The following GPC6 variants were observed in gnomAD, a reference collection of about 807,000 sequenced individuals.
GPC6 encodes glypican 6.
A neutral mutation model predicts 55.2 loss-of-function variants in GPC6; 14 were observed. The ratio of observed to expected loss-of-function variants is 0.25; its 90% CI spans 0.17 to 0.40. The LOEUF (loss-of-function observed/expected upper bound fraction) is 0.40. Ranked by LOEUF, GPC6 falls within the 10% of genes least tolerant of loss-of-function variation. The probability of loss-of-function intolerance (pLI) is 1.00; values close to 1 mark genes in which losing one functional copy is unlikely to be tolerated. For synonymous variants in GPC6, 278 were observed against 259.6 expected (o/e 1.07, Z -0.68); for missense variants, 641 against 708.5 (o/e 0.90, Z 1.08).
intron 2 of GPC6, among the ~76,000 whole-genome samples, chr13:93,616,084 T>G (rs1289778156): frequency 6.6e-6 from 1 of 152,080 alleles, no homozygotes; most frequent in Non-Finnish European, 1.5e-5. Flanking sequence ...TTTCTTTACC[T>G]AAACAATTTG....
intron 3 of GPC6, among the ~76,000 whole-genome samples, chr13:93,972,210 T>C (rs9301920): frequency 0.23 from 35,369 of 152,204 alleles, 4,685 homozygotes; most frequent in East Asian, 0.39. Context: ...ATTTGTTTGC[T>C]ATCCGCTATC....
intron 1 of GPC6, among the ~76,000 whole-genome samples, chr13:93,492,744 T>G (rs1476934814): frequency 6.6e-6 from 1 of 151,150 alleles, no homozygotes; most frequent in Non-Finnish European, 1.5e-5. Flanking sequence ...GTTGTTGAAT[T>G]TTGTCAAAGG....
chr13:93,752,455 G>GA (rs1244475716), intron 2 of GPC6, among the ~76,000 whole-genome samples: 57 of 145,820 alleles, frequency 3.9e-4, no homozygotes, highest in African/African-American at 1.1e-3. Context: ...AAAAAAAAAA[G>GA]AAAAAAAAAG....
intron 2 of GPC6, among the ~76,000 whole-genome samples, chr13:93,684,404 C>G (rs1881966944): frequency 6.6e-6 from 1 of 152,110 alleles, no homozygotes; most frequent in South Asian, 2.1e-4. Context: ...GCCAGGCTGG[C>G]CTCGAACTCC....
intron 1 of GPC6, among the ~76,000 whole-genome samples, chr13:93,454,432 G>T (rs1381214739): frequency 8.9e-6 from 1 of 112,822 alleles, no homozygotes; most frequent in East Asian, 2.5e-4. Flanking sequence ...TTGAGCTAGA[G>T]ACAGAGTGCA....
At chr13:93,553,341 C>T (rs1000412318) in intron 2 of GPC6, among the ~76,000 whole-genome samples, 3 of 151,992 alleles carry the variant, frequency 2.0e-5, no homozygotes, top group African/African-American at 7.3e-5. Context: ...TTTCAGTGAA[C>T]CTTTATCTGA....
chr13:93,407,804 C>T (rs1369193855), intron 1 of GPC6, among the ~76,000 whole-genome samples: 2 of 152,054 alleles, frequency 1.3e-5, no homozygotes, highest in Non-Finnish European at 2.9e-5. Flanking sequence ...AAAATGTGGT[C>T]CTTTTAAAAT....
chr13:94,072,859 G>A (rs1395162554), intron 4 of GPC6, among the ~76,000 whole-genome samples: 2 of 152,210 alleles, frequency 1.3e-5, no homozygotes, highest in African/African-American at 2.4e-5. Flanking sequence ...CTAGAGGGGT[G>A]ATGCCCACGG....
chr13:93,395,373 G>T, intron 1 of GPC6: 1 of 374,192 alleles, frequency 2.7e-6, no homozygotes, highest in South Asian at 3.2e-5. Context: ...TGGTATTTCG[G>T]AATGACAATC....
intron 6 of GPC6, among the ~76,000 whole-genome samples, chr13:94,371,247 T>C (rs72632661): frequency 0.026 from 3,891 of 152,216 alleles, 200 homozygotes; most frequent in East Asian, 0.23. Context: ...TTAGGAAAGC[T>C]TAATTCCTCT....
At chr13:93,453,424 A>G (rs909147218) in intron 1 of GPC6, among the ~76,000 whole-genome samples, 1 of 151,988 alleles carries the variant, frequency 6.6e-6, no homozygotes, top group Non-Finnish European at 1.5e-5. Flanking sequence ...TGTACTGTGC[A>G]CTTTACACAA....
chr13:94,165,982 T>C (rs185484257), intron 4 of GPC6, among the ~76,000 whole-genome samples: 97 of 152,282 alleles, frequency 6.4e-4, no homozygotes, highest in African/African-American at 2.3e-3. Context: ...AGAAAATTTT[T>C]CATGTATTCC....
In GPC6 at chr13:94,018,479, T is replaced by C. The variant is rs144911425; in HGVS notation, c.712-9250T>C. ...TAATTGTTTTTGTTTTTAGTAGAGATGGGGTTTCACCATGTTGGCCAGGCT... is the reference window on the plus strand; with the variant it reads ...TAATTGTTTTTGTTTTTAGTAGAGACGGGGTTTCACCATGTTGGCCAGGCT... On this transcript the variant is annotated intron_variant, in intron 3 of 8. Transcript: ENST00000377047. Among the ~76,000 whole-genome samples, 710 of 152,104 alleles carry C rather than the reference T, an allele frequency of 4.7e-3. 7 individuals are homozygous for C. The highest frequency in any genetic ancestry group is 0.015 in the African/African-American group (611 of 41,508).
At position 94,003,655 on chromosome 13, in the gene GPC6, A is replaced by G. The variant is rs143706157; in HGVS notation, c.712-24074A>G. Among the ~76,000 whole-genome samples the G allele has an allele frequency of 4.9e-3, 746 of 152,284 alleles. 7 individuals are homozygous for G. Among genetic ancestry groups the G allele is most frequent in the African/African-American group, 0.017 (723 of 41,574 alleles). ...TACTATTTAAACTTTCTTGACACTC[A>G]AGATTCTATGATATTACAAACAGAA... On this transcript the variant is annotated intron_variant, in intron 3 of 8. Coordinates refer to ENST00000377047, the MANE Select transcript of GPC6 (RefSeq NM_005708.5).
chr13:93,530,902 A>T (rs188420112), intron 1 of GPC6, among the ~76,000 whole-genome samples: 5 of 152,126 alleles, frequency 3.3e-5, no homozygotes, highest in Non-Finnish European at 7.4e-5. Context: ...ATGTCATGGA[A>T]ATTGGTATAA....
chr13:93,981,687 G>A (rs1396593396), intron 3 of GPC6, among the ~76,000 whole-genome samples: 1 of 152,064 alleles, frequency 6.6e-6, no homozygotes, highest in Non-Finnish European at 1.5e-5. Flanking sequence ...TCTCTGTGGA[G>A]TTCTCATAAA....
At chr13:93,305,219 C>T (rs1190178065) in intron 1 of GPC6, among the ~76,000 whole-genome samples, 3 of 152,162 alleles carry the variant, frequency 2.0e-5, no homozygotes, top group African/African-American at 7.2e-5. Context: ...TTTATCTGTA[C>T]CTCTGGGGTT....
intron 1 of GPC6, among the ~76,000 whole-genome samples, chr13:93,504,792 T>C (rs61964228): frequency 0.11 from 16,222 of 152,150 alleles, 1,166 homozygotes; most frequent in Middle Eastern, 0.18. Flanking sequence ...GCCATTCACA[T>C]GCCAAAGAAA....
rs1010715594 is a variant in GPC6, at chr13:93,227,349, G to A, written c.-108G>A. On this transcript the variant is annotated 5_prime_UTR_variant, in exon 1 of 9. Transcript: ENST00000377047. This position sits in a 1 kb window ranked among gnomAD's most constrained non-coding sequence, Gnocchi z 4.3. ...GGCTGGCAGAAGGGGGTGACGCTGG[G>A]CAGCGGCGAGGAGCGCGCCGCTGCC... 6 of 1,101,096 alleles carry A rather than the reference G, an allele frequency of 5.4e-6. No individual in the cohort carries two copies. The highest frequency in any genetic ancestry group is 2.1e-5 in the Admixed American group (1 of 46,590). 68.2% of individuals were successfully genotyped at this position (1,101,096 alleles called of 1,614,324 possible). A position where few individuals can be genotyped will look rare whatever the true frequency, so the allele number is the denominator to read the frequency against.
Sources: allele counts gnomAD v4.1 joint callset (sites outside exome capture counted in the v4.1 genomes callset), GRCh38; gene constraint gnomAD v4.1.1; non-coding constraint Gnocchi (gnomAD v3.1); transcripts MANE v1.5; gene names NCBI Gene and HGNC (gene_info 2026-07-23, HGNC 2026-07-21).